Variants in INVS observed in about 807,000 individuals in gnomAD.
The protein encoded by INVS is inversion of embryo turning homolog.
A neutral mutation model predicts 108.8 loss-of-function variants in INVS; 86 were observed. The ratio of observed to expected loss-of-function variants is 0.79; its 90% CI spans 0.66 to 0.95. The LOEUF is 0.95. INVS is among the 40% of genes least tolerant of loss of function. The probability of loss-of-function intolerance (pLI) is 0.00; values close to 1 mark genes in which losing one functional copy is unlikely to be tolerated. For missense variants in INVS, 1,169 were observed against 1,297.4 expected (o/e 0.90, Z 1.52); for synonymous variants, 455 against 473.5 (o/e 0.96, Z 0.51).
chr9:100,281,263 C>T (rs1402390296), intron 12 of INVS, among the ~76,000 whole-genome samples: 1 of 152,200 alleles, frequency 6.6e-6, no homozygotes, highest in Non-Finnish European at 1.5e-5. Context: ...TCACTTACCT[C>T]TCTGCCTGTT....
chr9:100,154,428 C>T (rs1828908289), intron 3 of INVS, among the ~76,000 whole-genome samples: 1 of 138,950 alleles, frequency 7.2e-6, no homozygotes, highest in Admixed American at 8.4e-5. Context: ...CTGCCCTCTT[C>T]AGCCTCCCAA....
intron 3 of INVS, among the ~76,000 whole-genome samples, chr9:100,212,643 T>C (rs952851186): frequency 3.3e-5 from 5 of 152,194 alleles, no homozygotes; most frequent in African/African-American, 1.2e-4. Flanking sequence ...TAACACCCTC[T>C]ATCTGGTAGC....
chr9:100,226,339 A>G (rs1831321108), intron 4 of INVS, 104 bp downstream of exon 4: 1 of 868,892 alleles, frequency 1.2e-6, no homozygotes, highest in Admixed American at 2.5e-5. Context: ...ACATATATAC[A>G]TGGTAGAACA....
At chr9:100,128,644 C>T (rs1468460198) in intron 3 of INVS, among the ~76,000 whole-genome samples, 1 of 152,180 alleles carries the variant, frequency 6.6e-6, no homozygotes, top group Non-Finnish European at 1.5e-5. Context: ...TCCTTGCCCC[C>T]AAAGAGACAC....
intron 5 of INVS, among the ~76,000 whole-genome samples, chr9:100,238,234 C>A (rs1455946695): frequency 1.3e-5 from 2 of 152,118 alleles, no homozygotes; most frequent in Non-Finnish European, 2.9e-5. Flanking sequence ...AATGATTATC[C>A]TGTGTACACA....
intron 3 of INVS, among the ~76,000 whole-genome samples, chr9:100,176,650 G>A (rs937916727): frequency 2.6e-5 from 4 of 151,932 alleles, no homozygotes; most frequent in Admixed American, 6.6e-5. Flanking sequence ...CTATTTTGTT[G>A]TATTTTTAAT....
chr9:100,101,454 A>G (rs1180090732), intron 1 of INVS: 2 of 152,044 alleles, frequency 1.3e-5, no homozygotes, highest in Non-Finnish European at 2.9e-5. Context: ...CCTGGATATG[A>G]CAGTAGTTCT....
intron 3 of INVS, among the ~76,000 whole-genome samples, chr9:100,171,330 G>A (rs1829535484): frequency 6.6e-6 from 1 of 152,054 alleles, no homozygotes; most frequent in Non-Finnish European, 1.5e-5. Flanking sequence ...GTAATATACT[G>A]TACAGGTTTG....
chr9:100,195,487 C>A (rs1830345651), intron 3 of INVS, among the ~76,000 whole-genome samples: 1 of 121,892 alleles, frequency 8.2e-6, no homozygotes, highest in African/African-American at 3.5e-5. Flanking sequence ...CGCAACACAT[C>A]AATTGATTTT....
intron 15 of INVS, 21 bp from the exon 16 acceptor site, chr9:100,297,915 A>G: frequency 6.2e-7 from 1 of 1,613,972 alleles, no homozygotes; most frequent in Non-Finnish European, 8.5e-7. Flanking sequence ...AAGAAAAGTA[A>G]CAGTTGTTGG....
intron 12 of INVS, among the ~76,000 whole-genome samples, chr9:100,275,605 T>A (rs1286848894): frequency 6.6e-6 from 1 of 152,218 alleles, no homozygotes; most frequent in African/African-American, 2.4e-5. Flanking sequence ...TGCTGCTGCC[T>A]CATTGACTAA....
chr9:100,264,375 T>G (rs1202342364), intron 10 of INVS, among the ~76,000 whole-genome samples: 1 of 152,144 alleles, frequency 6.6e-6, no homozygotes, highest in Non-Finnish European at 1.5e-5. Context: ...CCCAGCACTT[T>G]GGGAGGCTGA....
chr9:100,213,627 C>T (rs576825057), intron 3 of INVS, among the ~76,000 whole-genome samples: 5 of 152,212 alleles, frequency 3.3e-5, no homozygotes, highest in South Asian at 2.1e-4. Flanking sequence ...ACAATAGATA[C>T]GAGACTCCGC....
At chr9:100,197,943 T>C (rs1293018466) in intron 3 of INVS, among the ~76,000 whole-genome samples, 1 of 152,164 alleles carries the variant, frequency 6.6e-6, no homozygotes, top group Non-Finnish European at 1.5e-5. Flanking sequence ...GAGAGAGAGA[T>C]TGTTTTCTGA....
At position 100,175,083 on chromosome 9, in the gene INVS, A is replaced by G. The variant is rs1345909125; in HGVS notation, c.273+48534A>G. 11 of 233,240 alleles carry G rather than the reference A, an allele frequency of 4.7e-5. No individual in the cohort carries two copies. The East Asian group carries it at 1.1e-3, about 23-fold the overall frequency. 14.4% of individuals were successfully genotyped at this position (233,240 alleles called of 1,614,324 possible). A position where few individuals can be genotyped will look rare whatever the true frequency, so the allele number is the denominator to read the frequency against. ...TCATACTTTCACTTCTGGAGCTCAT[A>G]TTCCTCTGACATCTTCCAGAAAAAC... On this transcript the variant is annotated intron_variant, in intron 3 of 16. Coordinates refer to ENST00000262457, the MANE Select transcript of INVS (RefSeq NM_014425.5).
chr9:100,174,909 C>A (rs1169066443), intron 3 of INVS, among the ~76,000 whole-genome samples: 2 of 151,930 alleles, frequency 1.3e-5, no homozygotes, highest in Non-Finnish European at 2.9e-5. Context: ...GAGATGCTGT[C>A]TCCGAAAAAA....
At chr9:100,283,077 AGCT>A (rs1231601415) in intron 12 of INVS, among the ~76,000 whole-genome samples, 3 of 152,302 alleles carry the variant, frequency 2.0e-5, no homozygotes, top group Middle Eastern at 3.4e-3. Context: ...GGGAGGCTAA[AGCT>A]GGGGGATAGC....
chr9:100,133,844 G>A (rs752515037), intron 3 of INVS, among the ~76,000 whole-genome samples: 10 of 145,312 alleles, frequency 6.9e-5, no homozygotes, highest in Non-Finnish European at 1.0e-4. Context: ...TCCCAGCCCC[G>A]GTAATACCTA....
intron 3 of INVS, among the ~76,000 whole-genome samples, chr9:100,171,384 A>G (rs1353498559): frequency 6.6e-6 from 1 of 152,192 alleles, no homozygotes; most frequent in Non-Finnish European, 1.5e-5. Flanking sequence ...TAGGTGTGTA[A>G]TAAGTTATAA....
Sources: allele counts gnomAD v4.1 joint callset (sites outside exome capture counted in the v4.1 genomes callset), GRCh38; gene constraint gnomAD v4.1.1; transcripts MANE v1.5; gene names NCBI Gene and HGNC (gene_info 2026-07-23, HGNC 2026-07-21).